The following BLK variants were observed in gnomAD, a reference collection of about 807,000 sequenced individuals.
BLK encodes the protein tyrosine-protein kinase Blk.
In BLK, 64 loss-of-function variants were observed where a neutral mutation model predicts 61.8. The ratio of observed to expected loss-of-function variants is 1.03; its 90% CI spans 0.85 to 1.27. The LOEUF (loss-of-function observed/expected upper bound fraction) is 1.27. BLK is among the 50% of genes most tolerant of loss of function. BLK has a pLI of 0.00. For missense variants in BLK, 853 were observed against 660.5 expected (o/e 1.29, Z -3.19); for synonymous variants, 351 against 272.0 (o/e 1.29, Z -2.86).
At chr8:11,532,003 C>A (rs1295337568) in intron 1 of BLK, among the ~76,000 whole-genome samples, 1 of 152,040 alleles carries the variant, frequency 6.6e-6, no homozygotes, top group African/African-American at 2.4e-5. Context: ...TGATTACAGG[C>A]ACCTGCCACC....
intron 1 of BLK, among the ~76,000 whole-genome samples, chr8:11,526,551 T>A (rs573598888): frequency 1.3e-5 from 2 of 152,118 alleles, no homozygotes; most frequent in African/African-American, 2.4e-5. Flanking sequence ...AAACCCCATC[T>A]CTAATACAAA....
intron 3 of BLK, among the ~76,000 whole-genome samples, chr8:11,547,541 GC>G (rs1800701350): frequency 6.6e-6 from 1 of 152,248 alleles, no homozygotes; most frequent in African/African-American, 2.4e-5. Flanking sequence ...TGTGGCTGGG[GC>G]TCTGGGCACA....
rs183802959 is a variant in BLK at position 11,495,736 on chromosome 8, C to G, written c.-2+1145C>G. Among the ~76,000 whole-genome samples, 5 of 152,270 alleles carry G rather than the reference C, an allele frequency of 3.3e-5. No individual in the cohort carries two copies. The East Asian group carries it at 7.7e-4, about 23-fold the overall frequency. ...CAGAATTCGCATCCTGTATTGGATCCTAAAGCAACACCGCAAAGGTCATTA... is the reference window on the plus strand; with the variant it reads ...CAGAATTCGCATCCTGTATTGGATCGTAAAGCAACACCGCAAAGGTCATTA... On this transcript the variant is annotated intron_variant, in intron 1 of 12. Coordinates refer to ENST00000259089, the MANE Select transcript of BLK (RefSeq NM_001715.3).
At chr8:11,494,719 T>G (rs1357044954) in intron 1 of BLK, 128 bp downstream of exon 1, 1 of 152,228 alleles carries the variant, frequency 6.6e-6, no homozygotes, top group Non-Finnish European at 1.5e-5. Context: ...GGAAGAGGCA[T>G]GAATGGATCG....
chr8:11,525,068 T>G (rs1358252638), intron 1 of BLK, among the ~76,000 whole-genome samples: 1 of 152,216 alleles, frequency 6.6e-6, no homozygotes, highest in African/African-American at 2.4e-5. Context: ...GGGGAAAGCA[T>G]ATTTAATGTG....
At chr8:11,494,627 T>C (rs1353487135) in intron 1 of BLK, 36 bp downstream of exon 1, 1 of 152,258 alleles carries the variant, frequency 6.6e-6, no homozygotes, top group African/African-American at 2.4e-5. Flanking sequence ...TTTATCGTCT[T>C]CCTTTAAATT....
At chr8:11,495,985 C>T (rs1046726622) in intron 1 of BLK, among the ~76,000 whole-genome samples, 1 of 152,198 alleles carries the variant, frequency 6.6e-6, no homozygotes, top group African/African-American at 2.4e-5. Context: ...CTCATTCTTC[C>T]TCAGAGCAGG....
chr8:11,543,811 A>C (rs1800498473), intron 2 of BLK, among the ~76,000 whole-genome samples: 2 of 152,162 alleles, frequency 1.3e-5, no homozygotes, highest in African/African-American at 4.8e-5. Flanking sequence ...TCCCATGGGC[A>C]TTTTAAATGA....
At chr8:11,559,396 G>C (rs868376282) in intron 10 of BLK, among the ~76,000 whole-genome samples, 113 of 149,866 alleles carry the variant, frequency 7.5e-4, no homozygotes, top group South Asian at 1.1e-3. Flanking sequence ...CACACAGACA[G>C]ACACACACAC....
At chr8:11,519,025 C>G (rs902889953) in intron 1 of BLK, among the ~76,000 whole-genome samples, 3 of 152,170 alleles carry the variant, frequency 2.0e-5, no homozygotes, top group Non-Finnish European at 4.4e-5. Flanking sequence ...CTTTGTGGCA[C>G]TTACCTCTCC....
At chr8:11,527,865 T>G (rs1285150858) in intron 1 of BLK, among the ~76,000 whole-genome samples, 1 of 152,130 alleles carries the variant, frequency 6.6e-6, no homozygotes, top group Non-Finnish European at 1.5e-5. Flanking sequence ...AGAAATCTTG[T>G]GACCTCTGGC....
At chr8:11,531,084 C>A (rs984335943) in intron 1 of BLK, among the ~76,000 whole-genome samples, 2 of 152,154 alleles carry the variant, frequency 1.3e-5, no homozygotes, top group Non-Finnish European at 2.9e-5. Context: ...TGCCATTCCC[C>A]TAATGACTGA....
Position 11,564,336 on chromosome 8 carries a change from T to C in BLK, c.*228T>C, listed in dbSNP as rs781029667. On this transcript the variant is annotated 3_prime_UTR_variant, in exon 13 of 13. Coordinates refer to ENST00000259089, the MANE Select transcript of BLK (RefSeq NM_001715.3). ...CTGTGCCGCTTCATTTGTAGAGGGC[T>C]GTAACAGTGACCTCGCACGGTCATC... 1.8e-5 allele frequency: 13 copies of C among 703,830 alleles called. No homozygotes were observed. The highest frequency in any genetic ancestry group is 1.8e-4 in the South Asian group (12 of 66,826). The allele number at this position is 703,830 out of a possible 1,614,324, so 43.6% of individuals were successfully genotyped here. A position where few individuals can be genotyped will look rare whatever the true frequency, so the allele number is the denominator to read the frequency against.
chr8:11,548,232 C>A, intron 4 of BLK, 107 bp downstream of exon 4: 1 of 950,276 alleles, frequency 1.1e-6, no homozygotes, highest in Non-Finnish European at 1.7e-6. Flanking sequence ...AAGTCTTCTC[C>A]ATCGCCCTGC....
rs146140570 is a variant in BLK, at chr8:11,546,074, C to T, written c.146C>T (p.Pro49Leu). 16 of 1,614,186 alleles carry T rather than the reference C, an allele frequency of 9.9e-6. No individual in the cohort carries two copies. Among genetic ancestry groups the T allele is most frequent in the Admixed American group, 3.3e-5 (2 of 60,032 alleles). The change falls in exon 3 of 13, where the codon CCT (proline) becomes CTT (leucine). Residue 49 changes from proline (P) to leucine (L), a missense_variant. Coordinates refer to ENST00000259089, the MANE Select transcript of BLK (RefSeq NM_001715.3). ...AAGGTTGTCTTCAACCACCTTACTC[C>T]TCCACCGCCCGATGAACACCTGGAT... Reference protein sequence around the residue: ...PPLVVFNHLTPPPPDEHLDED... With the variant: ...PPLVVFNHLTLPPPDEHLDED...
intron 2 of BLK, among the ~76,000 whole-genome samples, chr8:11,544,388 G>A (rs570626026): frequency 2.0e-5 from 3 of 152,272 alleles, no homozygotes; most frequent in East Asian, 1.9e-4. Context: ...ACATGTCCAC[G>A]TGGTCATCTC....
At chr8:11,562,569 T>A (rs1801540902) in intron 11 of BLK, among the ~76,000 whole-genome samples, 1 of 152,222 alleles carries the variant, frequency 6.6e-6, no homozygotes, top group African/African-American at 2.4e-5. Context: ...ATTTCCATTT[T>A]GCAGGAAGGG....
chr8:11,534,783 G>C (rs1800043525), intron 1 of BLK, among the ~76,000 whole-genome samples: 1 of 152,172 alleles, frequency 6.6e-6, no homozygotes, highest in African/African-American at 2.4e-5. Flanking sequence ...ACGTGCCCAA[G>C]GCCCTTACAC....
In BLK at chr8:11,538,710, G is replaced by A. The variant is rs548281354; in HGVS notation, c.-1-4514G>A. Among the ~76,000 whole-genome samples, 317 of 152,262 alleles carry A rather than the reference G, an allele frequency of 2.1e-3. 5 individuals are homozygous for A. Among genetic ancestry groups the A allele is most frequent in the East Asian group, 3.9e-4 (2 of 5,178 alleles). The stretch of plus-strand genomic sequence containing the variant: ...TGCGGAAGTATGAGTCCAAGTCTGG[G>A]GAATATACTAGGAGCTGCTGACCAC... On this transcript the variant is annotated intron_variant, in intron 1 of 12. Coordinates refer to ENST00000259089, the MANE Select transcript of BLK (RefSeq NM_001715.3).
Sources: allele counts gnomAD v4.1 joint callset (sites outside exome capture counted in the v4.1 genomes callset), GRCh38; gene constraint gnomAD v4.1.1; transcripts MANE v1.5; gene names NCBI Gene and HGNC (gene_info 2026-07-23, HGNC 2026-07-21).